The following LYN variants were observed in gnomAD, a reference collection of about 807,000 sequenced individuals.
The protein encoded by LYN is tyrosine-protein kinase Lyn.
A neutral mutation model predicts 65.0 loss-of-function variants in LYN; 12 were observed. That is an observed-to-expected ratio of 0.18 (90% CI 0.12 to 0.30). The LOEUF is 0.30. Among genes scored for constraint, LYN ranks in the 10% least tolerant of loss-of-function variants. The pLI, the probability that LYN is intolerant of heterozygous loss-of-function variation, is 1.00. For missense variants in LYN, 380 were observed against 623.2 expected (o/e 0.61, Z 4.16); for synonymous variants, 222 against 221.2 (o/e 1.00, Z -0.03).
At chr8:55,953,739 C>T in intron 7 of LYN, 93 bp from the exon 8 acceptor site, 1 of 1,125,632 alleles carries the variant, frequency 8.9e-7, no homozygotes, top group Non-Finnish European at 1.3e-6. Flanking sequence ...GCAGGTTGGA[C>T]ACTATAAGGC....
chr8:55,888,924 C>G (rs948762216), intron 1 of LYN, among the ~76,000 whole-genome samples: 1 of 152,136 alleles, frequency 6.6e-6, no homozygotes, highest in Non-Finnish European at 1.5e-5. Flanking sequence ...TGATTTTTGT[C>G]TTTCAGAACC....
chr8:55,957,855 G>A (rs1002798552), intron 8 of LYN, among the ~76,000 whole-genome samples: 2 of 152,132 alleles, frequency 1.3e-5, no homozygotes, highest in African/African-American at 2.4e-5. Flanking sequence ...GGTTGAGGTG[G>A]GAGGATCGCT....
rs1453595757 is a variant in LYN at position 55,946,452 on chromosome 8, C to T, written c.137C>T (p.Pro46Leu). 5 of 1,606,714 alleles carry T rather than the reference C, an allele frequency of 3.1e-6. No homozygotes were observed. The highest frequency in any genetic ancestry group is 1.7e-4 in the Middle Eastern group (1 of 5,990). Residue 46 changes from proline (P) to leucine (L), a missense_variant, in exon 3 of 13, where the codon CCA (proline) becomes CTA (leucine). Transcript: ENST00000519728. ...PTSNKQQRPV[P>L]ESQLLPGQRF... The stretch of plus-strand genomic sequence containing the variant: ...CTAACAAATATTCTCTCGTAGGTTC[C>T]AGAATCTCAGCTTTTACCTGGACAG...
intron 1 of LYN, among the ~76,000 whole-genome samples, chr8:55,908,989 G>A (rs866420528): frequency 1.9e-3 from 38 of 20,394 alleles, no homozygotes; most frequent in African/African-American, 8.6e-3. Context: ...CATTGTGTAT[G>A]TATATATATA....
At chr8:55,907,991 G>A (rs1317225314) in intron 1 of LYN, among the ~76,000 whole-genome samples, 1 of 152,160 alleles carries the variant, frequency 6.6e-6, no homozygotes, top group African/African-American at 2.4e-5. Context: ...TGTAAGGGTT[G>A]AAACCAAAAC....
In LYN at chr8:55,918,454, G is replaced by T. The variant is rs565718412; in HGVS notation, c.-5-23401G>T. 1.1e-4 allele frequency among the ~76,000 whole-genome samples: 16 copies of T among 152,348 alleles called. No individual in the cohort carries two copies. The South Asian group carries it at 2.9e-3, about 28-fold the overall frequency. On this transcript the variant is annotated intron_variant, in intron 1 of 12. Coordinates refer to ENST00000519728, the MANE Select transcript of LYN (RefSeq NM_002350.4). ...TTGCATTTTTCTTACAAGCTCTAAT[G>T]TGCAGCCAGGATTAAGAATCATTGC...
intron 7 of LYN, among the ~76,000 whole-genome samples, chr8:55,952,933 T>C (rs1484422037): frequency 1.3e-5 from 2 of 152,186 alleles, no homozygotes; most frequent in Non-Finnish European, 2.9e-5. Context: ...AGACTCTGGG[T>C]CCCTTTCCTG....
chr8:55,996,376 A>G (rs1185178212), intron 10 of LYN, among the ~76,000 whole-genome samples: 2 of 152,178 alleles, frequency 1.3e-5, no homozygotes, highest in Non-Finnish European at 2.9e-5. Context: ...ATTACCAGGG[A>G]TACTGTTGCA....
intron 10 of LYN, among the ~76,000 whole-genome samples, chr8:55,970,297 C>G (rs1807577286): frequency 6.6e-6 from 1 of 152,158 alleles, no homozygotes; most frequent in Non-Finnish European, 1.5e-5. Context: ...TTCATTTGTA[C>G]TATTTTTAGT....
intron 2 of LYN, among the ~76,000 whole-genome samples, chr8:55,942,383 A>ATATATATGTG (rs1806645183): frequency 9.4e-6 from 1 of 106,772 alleles, no homozygotes; most frequent in Non-Finnish European, 2.0e-5. Flanking sequence ...ATATATGTGT[A>ATATATATGTG]TATATATATG....
intron 10 of LYN, among the ~76,000 whole-genome samples, chr8:55,982,766 C>G (rs1041519502): frequency 2.0e-5 from 3 of 152,150 alleles, no homozygotes; most frequent in Non-Finnish European, 4.4e-5. Context: ...CTGTCCTCTC[C>G]CCTCGAGCCA....
chr8:55,931,958 T>C (rs1806283921), intron 1 of LYN, among the ~76,000 whole-genome samples: 1 of 152,198 alleles, frequency 6.6e-6, no homozygotes, highest in Non-Finnish European at 1.5e-5. Context: ...TTTAAATTTA[T>C]AAGCCTCAAA....
chr8:55,896,510 G>T (rs1805106310), intron 1 of LYN, among the ~76,000 whole-genome samples: 1 of 151,952 alleles, frequency 6.6e-6, no homozygotes, highest in African/African-American at 2.4e-5. Context: ...GTCGGGGGGT[G>T]GGGGGCCTAA....
intron 1 of LYN, among the ~76,000 whole-genome samples, chr8:55,918,499 A>C (rs1483670790): frequency 6.6e-6 from 1 of 152,258 alleles, no homozygotes; most frequent in East Asian, 1.9e-4. Flanking sequence ...CAACAGGACA[A>C]ATACAAAATG....
chr8:55,945,163 G>A (rs980479613), intron 2 of LYN, among the ~76,000 whole-genome samples: 1 of 152,150 alleles, frequency 6.6e-6, no homozygotes, highest in Non-Finnish European at 1.5e-5. Context: ...CCATTTTAAG[G>A]AAAAATCTAG....
intron 4 of LYN, among the ~76,000 whole-genome samples, chr8:55,949,625 A>G (rs566538681): frequency 5.9e-5 from 9 of 152,380 alleles, no homozygotes; most frequent in African/African-American, 2.2e-4. Flanking sequence ...TGATACATGT[A>G]TGCAGTGTGT....
At chr8:55,922,613 C>A (rs933071797) in intron 1 of LYN, among the ~76,000 whole-genome samples, 29 of 151,858 alleles carry the variant, frequency 1.9e-4, no homozygotes, top group African/African-American at 5.1e-4. Context: ...ACTAAAAATA[C>A]AAAATTAGCC....
intron 1 of LYN, among the ~76,000 whole-genome samples, chr8:55,911,102 T>TATATATATATATATAC (rs373111685): frequency 3.5e-5 from 1 of 28,856 alleles, no homozygotes; most frequent in Non-Finnish European, 6.3e-5. Context: ...TATATATACA[T>TATATATATATATATAC]ACACGTATAT....
At chr8:55,989,726 C>T (rs73590356) in intron 10 of LYN, among the ~76,000 whole-genome samples, 1,569 of 152,246 alleles carry the variant, frequency 0.01, 31 homozygotes, top group African/African-American at 0.036. Flanking sequence ...TTTATTTTGC[C>T]GAGGTTGAGG....
Sources: allele counts gnomAD v4.1 joint callset (sites outside exome capture counted in the v4.1 genomes callset), GRCh38; gene constraint gnomAD v4.1.1; transcripts MANE v1.5; gene names NCBI Gene and HGNC (gene_info 2026-07-23, HGNC 2026-07-21).